ZHX2: variants seen among roughly 807,000 people sequenced by gnomAD.
The protein encoded by ZHX2 is zinc fingers and homeoboxes 2.
ZHX2 carries 6 observed loss-of-function variants against 21.9 expected under a neutral mutation model. That is an observed-to-expected ratio of 0.27 (90% CI 0.15 to 0.54). The LOEUF (loss-of-function observed/expected upper bound fraction) is 0.54, where lower values mean the gene tolerates loss of function less well. Among genes scored for constraint, ZHX2 ranks in the 20% least tolerant of loss-of-function variants. The probability of loss-of-function intolerance (pLI) is 0.95; values close to 1 mark genes in which losing one functional copy is unlikely to be tolerated. For missense variants in ZHX2, 908 were observed against 1,090.7 expected (o/e 0.83, Z 2.36); for synonymous variants, 434 against 437.1 (o/e 0.99, Z 0.09).
chr8:122,821,053 G>A (rs1271307783), intron 1 of ZHX2, among the ~76,000 whole-genome samples: 1 of 152,234 alleles, frequency 6.6e-6, no homozygotes, highest in Non-Finnish European at 1.5e-5. Flanking sequence ...AAAGGAAGGA[G>A]TGTGCAGCCC....
intron 2 of ZHX2, among the ~76,000 whole-genome samples, chr8:122,898,850 G>A (rs1326612611): frequency 6.6e-6 from 1 of 152,256 alleles, no homozygotes; most frequent in Non-Finnish European, 1.5e-5. Context: ...GTGGCGTGCT[G>A]GGATGCATGC....
intron 1 of ZHX2, among the ~76,000 whole-genome samples, chr8:122,829,428 T>C (rs917954526): frequency 6.6e-6 from 1 of 152,278 alleles, no homozygotes; most frequent in Admixed American, 6.5e-5. Context: ...TAATGAACTA[T>C]GCTAGTTTTT....
chr8:122,946,782 T>C (rs1026006676), intron 2 of ZHX2, among the ~76,000 whole-genome samples: 2 of 152,148 alleles, frequency 1.3e-5, no homozygotes, highest in African/African-American at 2.4e-5. Context: ...GTGTTAATAG[T>C]ACTCCCCACA....
At chr8:122,859,216 G>A (rs190760307) in intron 1 of ZHX2, among the ~76,000 whole-genome samples, 63 of 152,310 alleles carry the variant, frequency 4.1e-4, no homozygotes, top group Middle Eastern at 3.4e-3. Context: ...GGGGTCTAGC[G>A]GGGTGATGGT....
chr8:122,970,130 G>A (rs1015166170), intron 3 of ZHX2, among the ~76,000 whole-genome samples: 4 of 152,160 alleles, frequency 2.6e-5, no homozygotes, highest in Admixed American at 2.6e-4. Context: ...GGCTCTGAGA[G>A]GTACTCTAGG....
At chr8:122,866,071 C>T (rs1238026514) in intron 2 of ZHX2, among the ~76,000 whole-genome samples, 1 of 152,148 alleles carries the variant, frequency 6.6e-6, no homozygotes, top group African/African-American at 2.4e-5. Flanking sequence ...CCCCTTTTTC[C>T]CAGTGAATGG....
chr8:122,951,571 C>G lies in ZHX2; in HGVS notation c.61C>G (p.Gln21Glu). The G allele has an allele frequency of 6.2e-7, 1 of 1,613,668 alleles. No individual in the cohort carries two copies. The highest frequency in any genetic ancestry group is 8.5e-7 in the Non-Finnish European group (1 of 1,179,954). ...CMVRTSQVVE[Q>E]DVPEEVDRAK... ...GGTTCGGACATCACAAGTAGTAGAA[C>G]AAGATGTGCCCGAGGAAGTAGACAG... The change falls in exon 3 of 4, where the codon CAA becomes GAA. Residue 21 changes from glutamine to glutamate, a missense_variant. Physicochemically the swap from Gln to Glu is conservative, Grantham distance 29. Transcript: ENST00000314393.
chr8:122,923,072 T>C (rs531304654), intron 2 of ZHX2, among the ~76,000 whole-genome samples: 8 of 152,348 alleles, frequency 5.3e-5, no homozygotes, highest in South Asian at 4.1e-4. Flanking sequence ...TACTTGTCAG[T>C]GTCAAAGTCT....
chr8:122,841,988 C>T (rs961695270), intron 1 of ZHX2, among the ~76,000 whole-genome samples: 1 of 152,156 alleles, frequency 6.6e-6, no homozygotes, highest in Non-Finnish European at 1.5e-5. Flanking sequence ...GGGAAATGTG[C>T]GCAGACATAG....
chr8:122,875,998 G>GCATC (rs1403565909), intron 2 of ZHX2, among the ~76,000 whole-genome samples: 1 of 152,022 alleles, frequency 6.6e-6, no homozygotes, highest in Non-Finnish European at 1.5e-5. Flanking sequence ...TTGGGTTTTG[G>GCATC]CATCCATCCA....
chr8:122,826,959 C>T (rs1043652568), intron 1 of ZHX2, among the ~76,000 whole-genome samples: 7 of 152,076 alleles, frequency 4.6e-5, no homozygotes, highest in East Asian at 1.9e-4. Context: ...GGTTCCTAGG[C>T]GGAGGTGAGA....
intron 2 of ZHX2, among the ~76,000 whole-genome samples, chr8:122,921,029 T>C (rs1820725219): frequency 6.6e-6 from 1 of 152,190 alleles, no homozygotes; most frequent in African/African-American, 2.4e-5. Context: ...ATGTTCATCT[T>C]ATAGGGCCAT....
At chr8:122,848,198 G>A (rs1204764682) in intron 1 of ZHX2, among the ~76,000 whole-genome samples, 3 of 152,188 alleles carry the variant, frequency 2.0e-5, no homozygotes, top group Admixed American at 2.0e-4. Flanking sequence ...GAGACAGCGA[G>A]TGTGTTGTTG....
chr8:122,883,219 T>C (rs984203111), intron 2 of ZHX2, among the ~76,000 whole-genome samples: 5 of 152,150 alleles, frequency 3.3e-5, no homozygotes, highest in African/African-American at 1.2e-4. Flanking sequence ...GGTTCCACCT[T>C]ATGGTTTTGC....
intron 1 of ZHX2, among the ~76,000 whole-genome samples, chr8:122,786,512 G>A (rs1817398343): frequency 6.6e-6 from 1 of 152,148 alleles, no homozygotes; most frequent in Non-Finnish European, 1.5e-5. Flanking sequence ...TGTATGAGTT[G>A]TTAGGAAACT....
chr8:122,953,317 G>A lies in ZHX2; in HGVS notation c.1807G>A (p.Asp603Asn). The A allele has an allele frequency of 6.2e-7, 1 of 1,614,110 alleles. No homozygotes were observed. Among genetic ancestry groups the A allele is most frequent in the African/African-American group, 1.3e-5 (1 of 75,050 alleles). ...DSMGSGKKGQ[D>N]VGAPNGALSR... ...CATGGGGTCTGGCAAAAAAGGCCAA[G>A]ATGTGGGAGCCCCCAATGGTGCTCT... is the stretch of plus-strand genomic sequence containing the variant. The change falls in exon 3 of 4, where the codon GAT becomes AAT. Residue 603 changes from aspartate (D) to asparagine (N), a missense_variant. Physicochemically the swap from Asp to Asn is conservative, Grantham distance 23. This residue lies in a region of ZHX2 where 431 missense variants were observed against 428.6 expected (regional missense o/e 1.01). Coordinates refer to ENST00000314393, the MANE Select transcript of ZHX2 (RefSeq NM_014943.5). The surrounding 1 kb of genome is among the most constrained non-coding windows in gnomAD (Gnocchi z 4.6).
At chr8:122,909,360 G>A (rs1003304835) in intron 2 of ZHX2, among the ~76,000 whole-genome samples, 2 of 151,936 alleles carry the variant, frequency 1.3e-5, no homozygotes, top group African/African-American at 2.4e-5. Context: ...TTGAACCCAG[G>A]AGGTGGAGGT....
intron 2 of ZHX2, among the ~76,000 whole-genome samples, chr8:122,904,334 A>G (rs2129959422): frequency 6.6e-6 from 1 of 152,344 alleles, no homozygotes; most frequent in East Asian, 1.9e-4. Context: ...CCAAATGCAG[A>G]GCCTAGAATT....
In ZHX2 at chr8:122,937,933, G is replaced by GTTTTTTTTT; in HGVS notation, c.-219-13346_-219-13338dup. ...ATTATGTTTCCTGGTTTTCTTTTTG[G>GTTTTTTTTT]TTTTTTTTTTTTTTTTTTTTTGAGA... On this transcript the variant is annotated intron_variant, in intron 2 of 3. Transcript: ENST00000314393. Among the ~76,000 whole-genome samples, 72 of 73,372 alleles carry GTTTTTTTTT rather than the reference G, an allele frequency of 9.8e-4. 7 individuals are homozygous for GTTTTTTTTT. The highest frequency in any genetic ancestry group is 1.4e-3 in the Admixed American group (6 of 4,176). The allele number at this position is 73,372 out of a possible 152,430, so 48.1% of individuals were successfully genotyped here. A position where few individuals can be genotyped will look rare whatever the true frequency, so the allele number is the denominator to read the frequency against.
Sources: allele counts gnomAD v4.1 joint callset (sites outside exome capture counted in the v4.1 genomes callset), GRCh38; gene constraint gnomAD v4.1.1; regional missense constraint gnomAD v4.1.1; non-coding constraint Gnocchi (gnomAD v3.1); transcripts MANE v1.5; gene names NCBI Gene and HGNC (gene_info 2026-07-23, HGNC 2026-07-21).